Variants in VAT1L observed in about 807,000 individuals in gnomAD.
The protein encoded by VAT1L is putative NADPH-dependent quinone oxidoreductase VAT1L.
In VAT1L, 34 loss-of-function variants were observed where a neutral mutation model predicts 44.1. The ratio of observed to expected loss-of-function variants is 0.77; its 90% CI spans 0.59 to 1.03. VAT1L has a LOEUF of 1.03. VAT1L is among the 50% of genes least tolerant of loss of function. The pLI is 0.00. For synonymous variants in VAT1L, 253 were observed against 202.2 expected, an observed-to-expected ratio of 1.25 and a Z score of -2.13; for missense variants, 615 against 538.8, an observed-to-expected ratio of 1.14 and a Z score of -1.40.
intron 7 of VAT1L, among the ~76,000 whole-genome samples, chr16:77,949,669 C>G (rs553935810): frequency 6.6e-6 from 1 of 152,206 alleles, no homozygotes; most frequent in African/African-American, 2.4e-5. Flanking sequence ...GATCTCTGCA[C>G]GTGCCAGCTC....
At chr16:77,833,728 T>C (rs1483930403) in intron 3 of VAT1L, among the ~76,000 whole-genome samples, 1 of 149,978 alleles carries the variant, frequency 6.7e-6, no homozygotes, top group Non-Finnish European at 1.5e-5. Flanking sequence ...TCCGGCCTGG[T>C]GACAAAGTGA....
intron 7 of VAT1L, among the ~76,000 whole-genome samples, chr16:77,921,073 A>C (rs1236577849): frequency 6.6e-6 from 1 of 152,206 alleles, no homozygotes; most frequent in African/African-American, 2.4e-5. Flanking sequence ...CTCATTTGCC[A>C]GTTTCATTGC....
At chr16:77,891,420 A>G (rs1204709614) in intron 7 of VAT1L, among the ~76,000 whole-genome samples, 1 of 152,256 alleles carries the variant, frequency 6.6e-6, no homozygotes, top group African/African-American at 2.4e-5. Flanking sequence ...TGCCCAGTGC[A>G]GCACAGCTAT....
At chr16:77,819,383 T>TTTTTTC (rs1431847103) in intron 2 of VAT1L, among the ~76,000 whole-genome samples, 1 of 152,068 alleles carries the variant, frequency 6.6e-6, no homozygotes, top group Non-Finnish European at 1.5e-5. Flanking sequence ...TTTTTCTTTT[T>TTTTTTC]TTTTTCTTTT....
intron 7 of VAT1L, among the ~76,000 whole-genome samples, chr16:77,897,150 C>G (rs548555502): frequency 2.0e-5 from 3 of 152,244 alleles, no homozygotes; most frequent in African/African-American, 7.2e-5. Context: ...ATTCTTGAAT[C>G]TTGGGACGTA....
At position 77,862,945 on chromosome 16, in the gene VAT1L, G is replaced by C; in HGVS notation, c.722+55G>C. On this transcript the variant is annotated intron_variant, in intron 4 of 8. Transcript: ENST00000302536. ...GGCTGGCCCTTGCTCTGCTCTCAAA[G>C]AGCAGTAGCACTTATTTAAAAGAGG... is the stretch of plus-strand genomic sequence containing the variant. The C allele has an allele frequency of 1.9e-6, 3 of 1,582,018 alleles. No individual in the cohort carries two copies. The African/African-American group carries it at 4.1e-5, about 22-fold the overall frequency.
At chr16:77,789,529 G>T (rs555886992) in intron 1 of VAT1L, among the ~76,000 whole-genome samples, 22 of 152,252 alleles carry the variant, frequency 1.4e-4, no homozygotes, top group African/African-American at 5.3e-4. Context: ...ACAGGGTGCA[G>T]GGCTGGATCC....
intron 3 of VAT1L, among the ~76,000 whole-genome samples, chr16:77,836,695 T>C (rs1286257506): frequency 2.0e-5 from 3 of 152,214 alleles, no homozygotes; most frequent in Non-Finnish European, 4.4e-5. Context: ...TGTAAATATA[T>C]AGATCTAAAA....
In VAT1L at chr16:77,866,789, A is replaced by C. The variant is rs530031509; in HGVS notation, c.722+3899A>C. 1.0e-3 allele frequency among the ~76,000 whole-genome samples: 155 copies of C among 152,196 alleles called. 1 individual carries two copies. The highest frequency in any genetic ancestry group is 3.6e-3 in the African/African-American group (149 of 41,516). On this transcript the variant is annotated intron_variant, in intron 4 of 8. Transcript: ENST00000302536. ...ATCCGTTACTTTCTCTCTCTTTAGG[A>C]GGAGAGAGATGATTATGAGTGAAAC... is the stretch of plus-strand genomic sequence containing the variant.
chr16:77,972,015 G>C, intron 8 of VAT1L, 82 bp downstream of exon 8: 1 of 1,378,482 alleles, frequency 7.3e-7, no homozygotes, highest in Non-Finnish European at 1.0e-6. Flanking sequence ...GGGTGGGGTA[G>C]AAGGAAGTAC....
chr16:77,880,581 G>A (rs1227132081), intron 6 of VAT1L, among the ~76,000 whole-genome samples: 6 of 101,046 alleles, frequency 5.9e-5, no homozygotes, highest in South Asian at 3.4e-4. Flanking sequence ...TTCTTCGCAC[G>A]TTCCAGGGTA....
intron 7 of VAT1L, among the ~76,000 whole-genome samples, chr16:77,915,749 A>G (rs2017545467): frequency 6.6e-6 from 1 of 152,216 alleles, no homozygotes; most frequent in South Asian, 2.1e-4. Flanking sequence ...TGGCTAGAAG[A>G]CGGAGCCAGA....
At chr16:77,859,122 C>T (rs1022696360) in intron 3 of VAT1L, among the ~76,000 whole-genome samples, 4 of 147,276 alleles carry the variant, frequency 2.7e-5, no homozygotes, top group Non-Finnish European at 5.9e-5. Context: ...GCAACAAGAG[C>T]GAAACTCCAT....
At chr16:77,928,352 G>A (rs2017692160) in intron 7 of VAT1L, among the ~76,000 whole-genome samples, 1 of 152,166 alleles carries the variant, frequency 6.6e-6, no homozygotes, top group African/African-American at 2.4e-5. Context: ...TGCTAATCCT[G>A]CTATTGTGAC....
chr16:77,933,770 A>T (rs573329931), intron 7 of VAT1L, among the ~76,000 whole-genome samples: 4 of 152,222 alleles, frequency 2.6e-5, no homozygotes, highest in Non-Finnish European at 4.4e-5. Context: ...AACAACAACA[A>T]TAAGGCAAAT....
At position 77,817,193 on chromosome 16, in the gene VAT1L, T is replaced by C. The variant is rs2016371325; in HGVS notation, c.363+143T>C. 15 of 1,305,374 alleles carry C rather than the reference T, an allele frequency of 1.1e-5. No individual in the cohort carries two copies. In the South Asian group the frequency reaches 2.0e-4, roughly 17 times the overall value. 80.9% of individuals were successfully genotyped at this position (1,305,374 alleles called of 1,614,324 possible). A position where few individuals can be genotyped will look rare whatever the true frequency, so the allele number is the denominator to read the frequency against. ...TCTTATTTGGACTGTTGACAATGTT[T>C]ATAGTCATTAAGGTCTCATGCCTTT... On this transcript the variant is annotated intron_variant, in intron 2 of 8. Transcript: ENST00000302536.
chr16:77,810,358 CTG>C lies in VAT1L; in HGVS notation c.234-6559_234-6558del, dbSNP rs1217871953. Among the ~76,000 whole-genome samples the C allele has an allele frequency of 7.2e-5, 11 of 152,288 alleles. No individual in the cohort carries two copies. The South Asian group carries it at 1.7e-3, about 23-fold the overall frequency. On this transcript the variant is annotated intron_variant, in intron 1 of 8. Coordinates refer to ENST00000302536, the MANE Select transcript of VAT1L (RefSeq NM_020927.3). ...GAACTCAGAGGTGGGGCCCAAAAATCTGTGTTTTAACCAGCCCTCCTGGAAGT... is the reference window on the plus strand; with the variant it reads ...GAACTCAGAGGTGGGGCCCAAAAATCTGTTTTAACCAGCCCTCCTGGAAGT...
intron 1 of VAT1L, among the ~76,000 whole-genome samples, chr16:77,802,629 C>CACACACACACACACAA (rs2016082897): frequency 1.0e-5 from 1 of 100,090 alleles, no homozygotes; most frequent in Non-Finnish European, 2.1e-5. Context: ...CACACACACA[C>CACACACACACACACAA]ACACACACAC....
At chr16:77,948,677 T>C (rs1025431629) in intron 7 of VAT1L, among the ~76,000 whole-genome samples, 61 of 152,312 alleles carry the variant, frequency 4.0e-4, no homozygotes, top group African/African-American at 1.4e-3. Context: ...TCACTATTTT[T>C]CTGGAGTATT....
Sources: allele counts gnomAD v4.1 joint callset (sites outside exome capture counted in the v4.1 genomes callset), GRCh38; gene constraint gnomAD v4.1.1; transcripts MANE v1.5; gene names NCBI Gene and HGNC (gene_info 2026-07-23, HGNC 2026-07-21).